The following PLCXD2 variants were observed in gnomAD, a reference collection of about 807,000 sequenced individuals.
The protein encoded by PLCXD2 is phosphatidylinositol specific phospholipase C X domain containing 2, also known as PI-PLC X domain-containing protein 2.
A neutral mutation model predicts 28.6 loss-of-function variants in PLCXD2; 21 were observed. The ratio of observed to expected loss-of-function variants is 0.73; its 90% CI spans 0.52 to 1.06. The LOEUF is 1.06. Ranked by LOEUF, PLCXD2 falls within the 50% of genes least tolerant of loss-of-function variation. The probability of loss-of-function intolerance (pLI) is 0.00; values close to 1 mark genes in which losing one functional copy is unlikely to be tolerated. For synonymous variants in PLCXD2, 140 were observed against 150.1 expected, an observed-to-expected ratio of 0.93 and a Z score of 0.49; for missense variants, 369 against 376.7, an observed-to-expected ratio of 0.98 and a Z score of 0.17.
chr3:111,704,056 T>C (rs1028498112), intron 1 of PLCXD2, among the ~76,000 whole-genome samples: 7 of 152,208 alleles, frequency 4.6e-5, no homozygotes, highest in East Asian at 3.8e-4. Flanking sequence ...GAATGATTTG[T>C]TTTCAAGAAA....
intron 3 of PLCXD2, chr3:111,722,600 T>G (rs1372952669): frequency 6.6e-6 from 1 of 152,208 alleles, no homozygotes; most frequent in African/African-American, 2.4e-5. Flanking sequence ...TGAGAATCCC[T>G]AAGGAAGTGG....
intron 1 of PLCXD2, among the ~76,000 whole-genome samples, chr3:111,706,585 T>A (rs1218034120): frequency 6.6e-6 from 1 of 151,760 alleles, no homozygotes; most frequent in Non-Finnish European, 1.5e-5. Context: ...CATCTATCAA[T>A]AATAGCCTTA....
chr3:111,726,077 G>A (rs1576467888), intron 3 of PLCXD2: 4 of 389,662 alleles, frequency 1.0e-5, no homozygotes, highest in Non-Finnish European at 1.8e-5. Context: ...CCAGAACTTG[G>A]GACCAATACT....
intron 1 of PLCXD2, among the ~76,000 whole-genome samples, chr3:111,681,883 G>C (rs555247831): frequency 6.6e-6 from 1 of 152,186 alleles, no homozygotes; most frequent in Non-Finnish European, 1.5e-5. Context: ...AGGAGCACAG[G>C]CACACTAAAG....
rs4325899 is a variant in PLCXD2 at position 111,684,403 on chromosome 3, C to G, written c.163+8995C>G. ...GCACAGTGGCTCATGCCTGTAATAC[C>G]AGCACTTTGGAAAGCCGAGGCTGGT... On this transcript the variant is annotated intron_variant, in intron 1 of 4. Coordinates refer to ENST00000477665, the MANE Select transcript of PLCXD2 (RefSeq NM_001185106.1). Among the ~76,000 whole-genome samples, 1,094 of 150,848 alleles carry G rather than the reference C, an allele frequency of 7.3e-3. 14 individuals carry two copies. Among genetic ancestry groups the G allele is most frequent in the African/African-American group, 0.026 (1,060 of 41,064 alleles).
At chr3:111,697,215 C>T (rs879455869) in intron 1 of PLCXD2, among the ~76,000 whole-genome samples, 15 of 152,106 alleles carry the variant, frequency 9.9e-5, no homozygotes, top group Admixed American at 7.2e-4. Flanking sequence ...GTTGCAGGTA[C>T]ACCTTGTCAA....
At chr3:111,718,425 T>A (rs1041121947) in intron 3 of PLCXD2, among the ~76,000 whole-genome samples, 2 of 151,384 alleles carry the variant, frequency 1.3e-5, no homozygotes, top group African/African-American at 2.4e-5. Context: ...AGATCGCGCC[T>A]CTGCACTCCA....
intron 1 of PLCXD2, among the ~76,000 whole-genome samples, chr3:111,693,377 G>T (rs1159117147): frequency 1.3e-5 from 2 of 152,168 alleles, no homozygotes; most frequent in Non-Finnish European, 2.9e-5. Context: ...CCGCAGTGAC[G>T]ACCTGCTGCA....
chr3:111,696,548 T>G (rs1391429708), intron 1 of PLCXD2, among the ~76,000 whole-genome samples: 1 of 152,192 alleles, frequency 6.6e-6, no homozygotes, highest in East Asian at 1.9e-4. Flanking sequence ...CGCACCTGGT[T>G]TTTTTGCAAG....
intron 1 of PLCXD2, among the ~76,000 whole-genome samples, chr3:111,699,211 T>A (rs1185208520): frequency 6.6e-6 from 1 of 152,214 alleles, no homozygotes; most frequent in Non-Finnish European, 1.5e-5. Context: ...AAGCTTCACT[T>A]AACTCTTGTC....
intron 3 of PLCXD2, 37 bp downstream of exon 3, chr3:111,714,165 T>A: frequency 6.3e-7 from 1 of 1,596,086 alleles, no homozygotes; most frequent in Non-Finnish European, 8.5e-7. Context: ...GAAAGCTTTT[T>A]AAAAAATATT....
chr3:111,674,999 T>G lies in PLCXD2; in HGVS notation c.-247T>G, dbSNP rs1940597005. ...CTTCCCCCATCTCCAGAGGGGAACA[T>G]AAGAAGTTTAACGGAGCTGGGACTG... On this transcript the variant is annotated 5_prime_UTR_variant, in exon 1 of 5. Coordinates refer to ENST00000477665, the MANE Select transcript of PLCXD2 (RefSeq NM_001185106.1). 2 of 476,388 alleles carry G rather than the reference T, an allele frequency of 4.2e-6. No homozygotes were observed. Among genetic ancestry groups the G allele is most frequent in the Non-Finnish European group, 7.4e-6 (2 of 270,292 alleles). 29.5% of individuals were successfully genotyped at this position (476,388 alleles called of 1,614,324 possible).
At chr3:111,676,441 G>A (rs775845340) in intron 1 of PLCXD2, among the ~76,000 whole-genome samples, 30 of 152,062 alleles carry the variant, frequency 2.0e-4, no homozygotes, top group Non-Finnish European at 3.5e-4. Flanking sequence ...TGCAACTCCC[G>A]ATCTTTGCTT....
chr3:111,700,121 G>T (rs574229763), intron 1 of PLCXD2, among the ~76,000 whole-genome samples: 1 of 152,258 alleles, frequency 6.6e-6, no homozygotes, highest in African/African-American at 2.4e-5. Flanking sequence ...GAAGGTTTGG[G>T]GTGAGCTCAT....
intron 1 of PLCXD2, among the ~76,000 whole-genome samples, chr3:111,695,963 A>G (rs892829954): frequency 5.9e-5 from 9 of 152,178 alleles, no homozygotes; most frequent in African/African-American, 1.7e-4. Flanking sequence ...AGGGACTACT[A>G]TTTTTTCTCA....
rs573234190 is a variant in PLCXD2 at position 111,683,027 on chromosome 3, T to G, written c.163+7619T>G. Among the ~76,000 whole-genome samples, 233 of 152,290 alleles carry G rather than the reference T, an allele frequency of 1.5e-3. 1 individual carries two copies. Among genetic ancestry groups the G allele is most frequent in the Non-Finnish European group, 2.3e-3 (156 of 68,020 alleles). The stretch of plus-strand genomic sequence containing the variant: ...GTGTTAAATCGGGTGATCACACAGA[T>G]TTGTAAGATTCTTCTCCCTGCTCTT... On this transcript the variant is annotated intron_variant, in intron 1 of 4. Coordinates refer to ENST00000477665, the MANE Select transcript of PLCXD2 (RefSeq NM_001185106.1).
At chr3:111,720,618 C>T (rs1035051156) in intron 3 of PLCXD2, 105 bp from the exon 4 acceptor site, 10 of 412,498 alleles carry the variant, frequency 2.4e-5, no homozygotes, top group African/African-American at 8.2e-5. Flanking sequence ...CTCTTATTAA[C>T]ATATTTTTGT....
rs79981699 is a variant in PLCXD2 at position 111,700,668 on chromosome 3, G to A, written c.164-7258G>A. Reference sequence around the variant, plus strand: ...GTTAGAAAATGTCATATTAATATTCGTATGTGTATTTCAGGACTGTATAGA... The same window carrying A: ...GTTAGAAAATGTCATATTAATATTCATATGTGTATTTCAGGACTGTATAGA... On this transcript the variant is annotated intron_variant, in intron 1 of 4. Transcript: ENST00000477665. Among the ~76,000 whole-genome samples, 1,703 of 152,184 alleles carry A rather than the reference G, an allele frequency of 0.011. 75 individuals are homozygous for A. In the East Asian group the frequency reaches 0.12, roughly 11 times the overall value.
At chr3:111,714,585 A>T (rs936679415) in intron 3 of PLCXD2, among the ~76,000 whole-genome samples, 1 of 152,198 alleles carries the variant, frequency 6.6e-6, no homozygotes, top group Non-Finnish European at 1.5e-5. Flanking sequence ...GCAGCTTAGG[A>T]TGCCACCCAC....
Sources: allele counts gnomAD v4.1 joint callset (sites outside exome capture counted in the v4.1 genomes callset), GRCh38; gene constraint gnomAD v4.1.1; transcripts MANE v1.5; gene names NCBI Gene and HGNC (gene_info 2026-07-23, HGNC 2026-07-21).